LLGL2: variants seen among roughly 807,000 people sequenced by gnomAD.
LLGL2 encodes the protein LLGL scribble cell polarity complex component 2.
A neutral mutation model predicts 123.2 loss-of-function variants in LLGL2; 81 were observed. The ratio of observed to expected loss-of-function variants is 0.66; its 90% CI spans 0.55 to 0.79. The LOEUF is 0.79. Among genes scored for constraint, LLGL2 ranks in the 30% least tolerant of loss-of-function variants. The probability of loss-of-function intolerance (pLI) is 0.00; values close to 1 mark genes in which losing one functional copy is unlikely to be tolerated. For synonymous variants in LLGL2, 577 were observed against 594.1 expected (o/e 0.97, Z 0.42); for missense variants, 1,273 against 1,414.6 (o/e 0.90, Z 1.61).
chr17:75,574,346 T>A, intron 23 of LLGL2, 86 bp downstream of exon 23: 3 of 1,525,546 alleles, frequency 2.0e-6, no homozygotes, highest in Non-Finnish European at 2.6e-6. Flanking sequence ...GCCACTGCCC[T>A]GAGGCGGGGT....
At chr17:75,574,755 C>T (rs1461827775) in intron 25 of LLGL2, 87 bp downstream of exon 25, 26 of 1,592,432 alleles carry the variant, frequency 1.6e-5, no homozygotes, top group Admixed American at 6.7e-5. Context: ...CTGGGTCCCA[C>T]GGGGCTGACA....
chr17:75,572,969 G>T, intron 19 of LLGL2, 45 bp from the exon 20 acceptor site: 1 of 1,562,320 alleles, frequency 6.4e-7, no homozygotes, highest in South Asian at 1.2e-5. Flanking sequence ...CAGGGCAGGA[G>T]AACTGGTTTG....
intron 1 of LLGL2, among the ~76,000 whole-genome samples, chr17:75,537,657 A>C (rs1438303710): frequency 6.6e-6 from 1 of 151,636 alleles, no homozygotes; most frequent in African/African-American, 2.4e-5. Context: ...AGATTACACC[A>C]CTGCACTTCA....
At chr17:75,566,842 A>G (rs2055464167) in intron 10 of LLGL2, among the ~76,000 whole-genome samples, 1 of 152,184 alleles carries the variant, frequency 6.6e-6, no homozygotes, top group African/African-American at 2.4e-5. Flanking sequence ...CTCCAGACCC[A>G]TAAGGGAGAT....
intron 2 of LLGL2, among the ~76,000 whole-genome samples, chr17:75,543,800 G>C (rs560344367): frequency 2.6e-5 from 4 of 152,130 alleles, no homozygotes; most frequent in African/African-American, 7.2e-5. Context: ...GGAATAAAAC[G>C]ATCTGCCATG....
At chr17:75,574,717 T>C in intron 25 of LLGL2, 49 bp downstream of exon 25, 2 of 1,602,270 alleles carry the variant, frequency 1.2e-6, no homozygotes, top group Non-Finnish European at 8.5e-7. Flanking sequence ...TGGGAAGGGC[T>C]GGGAGGAAGA....
intron 6 of LLGL2, among the ~76,000 whole-genome samples, chr17:75,560,002 G>T (rs561349605): frequency 6.6e-6 from 1 of 152,204 alleles, no homozygotes; most frequent in Non-Finnish European, 1.5e-5. Flanking sequence ...GATCATGTTG[G>T]GGCCGGGTCG....
chr17:75,567,051 G>A (rs1390007292), intron 10 of LLGL2, among the ~76,000 whole-genome samples: 3 of 152,206 alleles, frequency 2.0e-5, no homozygotes, highest in Non-Finnish European at 2.9e-5. Flanking sequence ...CCATGGGACA[G>A]CTGAGCCCGG....
In LLGL2 at chr17:75,574,899, C is replaced by T. The variant is rs750018830; in HGVS notation, c.*21C>T. The T allele has an allele frequency of 3.7e-5, 59 of 1,613,826 alleles. No homozygotes were observed. The Admixed American group carries it at 4.8e-4, about 13-fold the overall frequency. ...AGTGAGTGGCTGAGCGTCCAGGCTG[C>T]GCGATGAGCACACACTACTACTGAT... On this transcript the variant is annotated 3_prime_UTR_variant, in exon 26 of 26. Coordinates refer to ENST00000392550, the MANE Select transcript of LLGL2 (RefSeq NM_001031803.2).
At chr17:75,551,623 ACT>A (rs1227707226) in intron 2 of LLGL2, among the ~76,000 whole-genome samples, 3 of 151,956 alleles carry the variant, frequency 2.0e-5, no homozygotes, top group South Asian at 2.1e-4. Context: ...AGGAGTAGTG[ACT>A]CTGGTGAAAT....
At chr17:75,547,412 G>A (rs1262093367) in intron 2 of LLGL2, among the ~76,000 whole-genome samples, 1 of 152,224 alleles carries the variant, frequency 6.6e-6, no homozygotes, top group African/African-American at 2.4e-5. Context: ...GTAAGACACA[G>A]TGGACGCATT....
chr17:75,550,604 G>T (rs2054621727), intron 2 of LLGL2, among the ~76,000 whole-genome samples: 1 of 152,104 alleles, frequency 6.6e-6, no homozygotes, highest in East Asian at 1.9e-4. Flanking sequence ...GGGCAACATA[G>T]TGACACCTCA....
intron 2 of LLGL2, among the ~76,000 whole-genome samples, chr17:75,555,401 T>C (rs1188397766): frequency 1.3e-5 from 2 of 151,932 alleles, no homozygotes; most frequent in African/African-American, 2.4e-5. Context: ...TTAAACATCT[T>C]TATACCTCCC....
At position 75,549,335 on chromosome 17, in the gene LLGL2, G is replaced by T. The variant is rs140158421; in HGVS notation, c.75+5834G>T. 4.2e-4 allele frequency among the ~76,000 whole-genome samples: 64 copies of T among 152,084 alleles called. 1 individual carries two copies. Among genetic ancestry groups the T allele is most frequent in the Non-Finnish European group, 8.8e-5 (6 of 68,010 alleles). On this transcript the variant is annotated intron_variant, in intron 2 of 25. Coordinates refer to ENST00000392550, the MANE Select transcript of LLGL2 (RefSeq NM_001031803.2). This position sits in a 1 kb window ranked among gnomAD's most constrained non-coding sequence, Gnocchi z 4.0. ...CTAGACAACTGCTCACAGCCAGCTC[G>T]CTCCCCTCGGCCAAACCCAGGCACA...
In LLGL2 at chr17:75,564,942, C is replaced by T. The variant is rs1044724420; in HGVS notation, c.1036+435C>T. On this transcript the variant is annotated intron_variant, in intron 10 of 25. Transcript: ENST00000392550. The surrounding 1 kb of genome is among the most constrained non-coding windows in gnomAD (Gnocchi z 4.9). ...TGAGTCCCTTAGCCTCACTGCACCCCAAGGTGCAGTGTCATCAAGCCCTAC... is the reference window on the plus strand; with the variant it reads ...TGAGTCCCTTAGCCTCACTGCACCCTAAGGTGCAGTGTCATCAAGCCCTAC... 6.6e-6 allele frequency among the ~76,000 whole-genome samples: 1 copy of T among 152,104 alleles called. No individual in the cohort carries two copies. The highest frequency in any genetic ancestry group is 1.5e-5 in the Non-Finnish European group (1 of 68,004).
intron 1 of LLGL2, among the ~76,000 whole-genome samples, chr17:75,529,081 A>G (rs2053679198): frequency 6.6e-6 from 1 of 151,002 alleles, no homozygotes; most frequent in East Asian, 2.0e-4. Flanking sequence ...GCTTGAACCC[A>G]GGAGGCAGAG....
chr17:75,570,858 T>C (rs1598633266), intron 16 of LLGL2, 92 bp from the exon 17 acceptor site: 2 of 1,460,616 alleles, frequency 1.4e-6, no homozygotes, highest in East Asian at 4.6e-5. Flanking sequence ...GGCTGTGGCC[T>C]GCCTTCCGAT....
intron 8 of LLGL2, 96 bp from the exon 9 acceptor site, chr17:75,563,656 G>A: frequency 6.6e-7 from 1 of 1,512,198 alleles, no homozygotes; most frequent in Non-Finnish European, 9.2e-7. Context: ...GGTCTACCAT[G>A]TGGATGTGGC....
At chr17:75,533,308 T>TA (rs2147107751) in intron 1 of LLGL2, among the ~76,000 whole-genome samples, 1 of 110,002 alleles carries the variant, frequency 9.1e-6, no homozygotes, top group Non-Finnish European at 1.8e-5. Flanking sequence ...CCTTTTTTTT[T>TA]TTTTTTTTTT....
Sources: allele counts gnomAD v4.1 joint callset (sites outside exome capture counted in the v4.1 genomes callset), GRCh38; gene constraint gnomAD v4.1.1; non-coding constraint Gnocchi (gnomAD v3.1); transcripts MANE v1.5; gene names NCBI Gene and HGNC (gene_info 2026-07-23, HGNC 2026-07-21).